Variants in GSR observed in about 807,000 individuals in gnomAD.
GSR encodes the protein glutathione reductase, mitochondrial.
Under a neutral mutation model 56.5 loss-of-function variants are expected in GSR, and 48 were observed. That is an observed-to-expected ratio of 0.85 (90% confidence interval 0.67 to 1.08). The LOEUF (loss-of-function observed/expected upper bound fraction) is 1.08. GSR is among the 50% of genes least tolerant of loss of function. The pLI, the probability that GSR is intolerant of heterozygous loss-of-function variation, is 0.00. For synonymous variants in GSR, 264 were observed against 270.8 expected, an observed-to-expected ratio of 0.97 and a Z score of 0.25; for missense variants, 694 against 703.3, an observed-to-expected ratio of 0.99 and a Z score of 0.15.
At chr8:30,721,815 G>A (rs1043805633) in intron 1 of GSR, among the ~76,000 whole-genome samples, 2 of 151,878 alleles carry the variant, frequency 1.3e-5, no homozygotes, top group Non-Finnish European at 2.9e-5. Context: ...GAGGTCAGGA[G>A]TTCGAGACCA....
intron 1 of GSR, among the ~76,000 whole-genome samples, chr8:30,721,496 T>TA (rs1319606809): frequency 7.3e-4 from 110 of 151,724 alleles, no homozygotes; most frequent in Non-Finnish European, 1.2e-3. Context: ...ACTAAAAATA[T>TA]AAAAAAATTA....
chr8:30,696,356 C>T (rs369812470), intron 7 of GSR, 24 bp downstream of exon 7: 16 of 1,417,424 alleles, frequency 1.1e-5, no homozygotes, highest in African/African-American at 7.0e-5. Flanking sequence ...TCAAGAAAAG[C>T]GAAAAGAAAA....
chr8:30,683,612 C>T (rs974134049), intron 10 of GSR, among the ~76,000 whole-genome samples: 2 of 151,926 alleles, frequency 1.3e-5, no homozygotes, highest in African/African-American at 4.8e-5. Context: ...CATGGTAAAA[C>T]CCTGTCTCTA....
At chr8:30,715,595 C>T (rs554919957) in intron 1 of GSR, among the ~76,000 whole-genome samples, 15 of 152,286 alleles carry the variant, frequency 9.8e-5, no homozygotes, top group African/African-American at 3.6e-4. Context: ...GCCTTCCACC[C>T]ACACCTTTAT....
intron 5 of GSR, among the ~76,000 whole-genome samples, chr8:30,700,422 C>A (rs1176431011): frequency 6.6e-6 from 1 of 152,004 alleles, no homozygotes; most frequent in Non-Finnish European, 1.5e-5. Context: ...TCTGTTCACC[C>A]TCCCACCCCA....
In GSR at chr8:30,689,294, G is replaced by C; in HGVS notation, c.908C>G (p.Ser303Trp). ...AGTAACCATGCTGACTTCCAAGCCC[G>C]ACAAAGTCTTTTTAACCTCCTTGAC... Reference protein sequence around the residue: ...SQVKEVKKTLSGLEVSMVTAV... With the variant: ...SQVKEVKKTLWGLEVSMVTAV... Residue 303 changes from serine to tryptophan, a missense_variant, in exon 9 of 13, where the codon TCG (serine) becomes TGG (tryptophan). By Grantham distance (177) the Ser-to-Trp change is radical (BLOSUM62 -3). Transcript: ENST00000221130. The C allele has an allele frequency of 6.2e-7, 1 of 1,613,988 alleles. No homozygotes were observed. The highest frequency in any genetic ancestry group is 8.5e-7 in the Non-Finnish European group (1 of 1,179,868).
chr8:30,714,355 C>T (rs1236845050), intron 1 of GSR, among the ~76,000 whole-genome samples: 1 of 151,834 alleles, frequency 6.6e-6, no homozygotes, highest in East Asian at 1.9e-4. Context: ...GGACCACAGG[C>T]GTTCACCGCC....
intron 3 of GSR, among the ~76,000 whole-genome samples, chr8:30,709,570 A>G (rs565090879): frequency 3.4e-4 from 51 of 152,180 alleles, no homozygotes; most frequent in Non-Finnish European, 4.0e-4. Flanking sequence ...TTATTGTTTA[A>G]TAGAATAGTT....
intron 1 of GSR, among the ~76,000 whole-genome samples, chr8:30,714,200 T>G (rs1471046815): frequency 2.1e-5 from 3 of 141,100 alleles, no homozygotes; most frequent in Non-Finnish European, 3.0e-5. Flanking sequence ...TTGTTCTATA[T>G]GCTTTTTTTT....
chr8:30,687,853 T>C (rs1586037707), intron 9 of GSR, among the ~76,000 whole-genome samples: 1 of 152,340 alleles, frequency 6.6e-6, no homozygotes. Flanking sequence ...ATGCACTTTT[T>C]CATTTACTCT....
At chr8:30,683,368 C>T (rs969340827) in intron 10 of GSR, among the ~76,000 whole-genome samples, 1 of 152,102 alleles carries the variant, frequency 6.6e-6, no homozygotes, top group Non-Finnish European at 1.5e-5. Flanking sequence ...TAGGTACAGA[C>T]TGAAAGTAGA....
chr8:30,689,795 G>A (rs1050621079), intron 8 of GSR, among the ~76,000 whole-genome samples: 77 of 135,932 alleles, frequency 5.7e-4, no homozygotes, highest in African/African-American at 2.0e-3. Context: ...ATAAATATAC[G>A]TATATTTATA....
intron 11 of GSR, 147 bp from the exon 12 acceptor site, chr8:30,681,184 T>C (rs879104834): frequency 3.8e-5 from 28 of 730,360 alleles, no homozygotes; most frequent in South Asian, 3.0e-4. Context: ...TTCTACAAAA[T>C]AAATGTCAGT....
chr8:30,689,892 A>G (rs1414191624), intron 8 of GSR, among the ~76,000 whole-genome samples: 1 of 142,366 alleles, frequency 7.0e-6, no homozygotes, highest in Admixed American at 7.3e-5. Context: ...TTATATATAA[A>G]TTATATTTTT....
At chr8:30,707,802 C>A (rs1318298204) in intron 4 of GSR, among the ~76,000 whole-genome samples, 3 of 151,874 alleles carry the variant, frequency 2.0e-5, no homozygotes, top group Admixed American at 1.3e-4. Flanking sequence ...TAAAAAAATA[C>A]AAAAATTCGA....
chr8:30,705,358 G>A (rs1055432059), intron 4 of GSR, among the ~76,000 whole-genome samples: 12 of 152,044 alleles, frequency 7.9e-5, no homozygotes, highest in Admixed American at 2.0e-4. Context: ...CGCCTCCAGG[G>A]TTCACGCCAT....
intron 4 of GSR, among the ~76,000 whole-genome samples, chr8:30,707,563 GGTGGGAGGACT>G (rs1803957406): frequency 6.6e-6 from 1 of 152,172 alleles, no homozygotes. Flanking sequence ...AGGAGACTGA[GGTGGGAGGACT>G]GCTTGAGCCC....
chr8:30,685,173 G>A (rs1390756166), intron 9 of GSR, among the ~76,000 whole-genome samples: 2 of 152,000 alleles, frequency 1.3e-5, no homozygotes, highest in African/African-American at 4.8e-5. Flanking sequence ...TGTTAGCCAG[G>A]ATGGTCTTGA....
At chr8:30,707,503 T>A (rs1803955490) in intron 4 of GSR, among the ~76,000 whole-genome samples, 2 of 151,990 alleles carry the variant, frequency 1.3e-5, no homozygotes, top group Admixed American at 1.3e-4. Flanking sequence ...TACAAAATAT[T>A]TTAAAAATTA....
Sources: gnomAD v4.1 joint callset for allele counts (sites outside exome capture counted in the v4.1 genomes callset) on GRCh38, gnomAD v4.1.1 for gene constraint, MANE v1.5 for transcripts, NCBI Gene and HGNC (gene_info 2026-07-23, HGNC 2026-07-21) for gene names.